Variants in ADK observed in about 807,000 individuals in gnomAD.
ADK encodes N6,N6-dimethyladenosine kinase.
In ADK, 24 loss-of-function variants were observed where a neutral mutation model predicts 44.7. The ratio of observed to expected loss-of-function variants is 0.54; its 90% confidence interval spans 0.39 to 0.76. The LOEUF is 0.76. Ranked by LOEUF, ADK falls within the 30% of genes least tolerant of loss-of-function variation. The probability of loss-of-function intolerance (pLI) is 0.00; values close to 1 mark genes in which losing one functional copy is unlikely to be tolerated. For synonymous variants in ADK, 128 were observed against 142.6 expected, an observed-to-expected ratio of 0.90 and a Z score of 0.73; for missense variants, 321 against 425.1, an observed-to-expected ratio of 0.76 and a Z score of 2.15.
intron 6 of ADK, among the ~76,000 whole-genome samples, chr10:74,497,698 G>A (rs1397886957): frequency 6.6e-6 from 1 of 152,154 alleles, no homozygotes; most frequent in African/African-American, 2.4e-5. Flanking sequence ...GAGTGCAGTG[G>A]TACACTCCTG....
intron 3 of ADK, among the ~76,000 whole-genome samples, chr10:74,303,096 TG>T (rs35070470): frequency 0.48 from 73,566 of 152,006 alleles, 20,227 homozygotes; most frequent in Non-Finnish European, 0.62. Context: ...AGTTTACAGC[TG>T]GGGACATCTT....
chr10:74,314,594 C>T, intron 3 of ADK, 73 bp from the exon 4 acceptor site: 1 of 932,366 alleles, frequency 1.1e-6, no homozygotes. Flanking sequence ...TAATACTCTT[C>T]TGCTCAGAAA....
rs535047664 is a variant in ADK at position 74,377,951 on chromosome 10, TC to T, written c.274-16188del. On this transcript the variant is annotated intron_variant, in intron 4 of 10. Coordinates refer to ENST00000539909, the MANE Select transcript of ADK (RefSeq NM_006721.4). ...AATATCTAATAAAATTTTTGGGTGATCCTCTTCAGTGACTAGTATAGAATTG... is the reference window on the plus strand; with the variant it reads ...AATATCTAATAAAATTTTTGGGTGATCTCTTCAGTGACTAGTATAGAATTG... Among the ~76,000 whole-genome samples the T allele has an allele frequency of 3.1e-3, 472 of 152,268 alleles. 1 individual carries two copies. The highest frequency in any genetic ancestry group is 4.7e-3 in the Non-Finnish European group (318 of 68,014).
At chr10:74,176,866 C>G in intron 1 of ADK, 1 of 1,609,032 alleles carries the variant, frequency 6.2e-7, no homozygotes, top group Middle Eastern at 1.7e-4. Flanking sequence ...GGCAGGAGGG[C>G]GAAGCCATGA....
intron 4 of ADK, among the ~76,000 whole-genome samples, chr10:74,323,053 G>A (rs943817423): frequency 1.3e-5 from 2 of 152,172 alleles, no homozygotes; most frequent in African/African-American, 4.8e-5. Context: ...TTCTGGGTAT[G>A]ACATTAAACA....
At chr10:74,176,891 C>T (rs538550931) in intron 1 of ADK, 4 of 1,610,196 alleles carry the variant, frequency 2.5e-6, no homozygotes, top group African/African-American at 1.3e-5. Flanking sequence ...AGTCAGGTAA[C>T]GAGCGGGCGG....
chr10:74,317,149 A>G (rs575368098), intron 4 of ADK, among the ~76,000 whole-genome samples: 2 of 152,336 alleles, frequency 1.3e-5, no homozygotes, highest in South Asian at 4.1e-4. Context: ...ATAGGCAACA[A>G]AAACAAGTAT....
intron 3 of ADK, among the ~76,000 whole-genome samples, chr10:74,238,856 CTTTTTTTTTTTT>C (rs752385282): frequency 1.1e-5 from 1 of 88,198 alleles, no homozygotes; most frequent in South Asian, 4.4e-4. Context: ...TTAGCTAGTG[CTTTTTTTTTTTT>C]TTTTTTTTTT....
chr10:74,607,008 CT>C (rs1852346166), intron 9 of ADK, among the ~76,000 whole-genome samples: 1 of 151,926 alleles, frequency 6.6e-6, no homozygotes, highest in Non-Finnish European at 1.5e-5. Context: ...CTTTTTTGAT[CT>C]TTGTTGGTTT....
At chr10:74,488,193 G>A (rs1330047002) in intron 6 of ADK, among the ~76,000 whole-genome samples, 3 of 151,946 alleles carry the variant, frequency 2.0e-5, no homozygotes, top group Admixed American at 6.6e-5. Flanking sequence ...GAGACTTTCA[G>A]ATTAAGGGAG....
Position 74,480,712 on chromosome 10 carries a change from GTTTGGGGT to G in ADK, c.556-44543_556-44536del, listed in dbSNP as rs1162837419. Among the ~76,000 whole-genome samples the G allele has an allele frequency of 2.0e-3, 306 of 152,180 alleles. 3 individuals are homozygous for G. Among genetic ancestry groups the G allele is most frequent in the East Asian group, 2.3e-3 (12 of 5,186 alleles). On this transcript the variant is annotated intron_variant, in intron 6 of 10. Coordinates refer to ENST00000539909, the MANE Select transcript of ADK (RefSeq NM_006721.4). ...CCAGGATGTGTCTTAGACCTTTCTT[GTTTGGGGT>G]CAGTTTTTCCAGGTATGCAATAATA... is the stretch of plus-strand genomic sequence containing the variant.
At chr10:74,592,783 A>G (rs187587259) in intron 8 of ADK, among the ~76,000 whole-genome samples, 3 of 152,312 alleles carry the variant, frequency 2.0e-5, no homozygotes, top group Non-Finnish European at 4.4e-5. Context: ...CCAATACAGC[A>G]TCTACTAGCC....
At chr10:74,266,285 A>C (rs1189368205) in intron 3 of ADK, among the ~76,000 whole-genome samples, 2 of 152,158 alleles carry the variant, frequency 1.3e-5, no homozygotes, top group Non-Finnish European at 2.9e-5. Context: ...GCGGCCGGGC[A>C]CAGTGGCTCA....
At chr10:74,571,151 G>T (rs1404083706) in intron 7 of ADK, among the ~76,000 whole-genome samples, 2 of 152,282 alleles carry the variant, frequency 1.3e-5, no homozygotes, top group East Asian at 3.9e-4. Flanking sequence ...CTTGATCATG[G>T]TGGATAAGCT....
At chr10:74,463,606 G>A (rs1846246920) in intron 6 of ADK, among the ~76,000 whole-genome samples, 1 of 152,178 alleles carries the variant, frequency 6.6e-6, no homozygotes, top group Admixed American at 6.5e-5. Context: ...ACCTCCTGCT[G>A]TGTGGCCCAG....
chr10:74,308,730 T>A (rs1223432953), intron 3 of ADK, among the ~76,000 whole-genome samples: 1 of 152,224 alleles, frequency 6.6e-6, no homozygotes, highest in Non-Finnish European at 1.5e-5. Context: ...CTATTCTTCA[T>A]ACATCAATCT....
At chr10:74,346,330 T>C (rs1841763125) in intron 4 of ADK, among the ~76,000 whole-genome samples, 1 of 152,250 alleles carries the variant, frequency 6.6e-6, no homozygotes, top group African/African-American at 2.4e-5. Flanking sequence ...AATGGCTATA[T>C]CGATCAGGGT....
chr10:74,456,666 C>CAAAA (rs71024510), intron 6 of ADK, among the ~76,000 whole-genome samples: 10 of 63,090 alleles, frequency 1.6e-4, no homozygotes, highest in Non-Finnish European at 2.3e-4. Flanking sequence ...GACTCCATCT[C>CAAAA]AAAAAAAAAA....
chr10:74,552,490 G>A (rs1454645998), intron 7 of ADK, among the ~76,000 whole-genome samples: 1 of 152,078 alleles, frequency 6.6e-6, no homozygotes, highest in Middle Eastern at 3.2e-3. Flanking sequence ...ATCTTTTGGG[G>A]GTGATGTAAA....
Sources: allele counts gnomAD v4.1 joint callset (sites outside exome capture counted in the v4.1 genomes callset), GRCh38; gene constraint gnomAD v4.1.1; transcripts MANE v1.5; gene names NCBI Gene and HGNC (gene_info 2026-07-23, HGNC 2026-07-21).